KCNG1: variants seen among roughly 807,000 people sequenced by gnomAD.
KCNG1 encodes potassium voltage-gated channel modifier subfamily G member 1, also known as voltage-gated potassium channel regulatory subunit KCNG1.
In KCNG1, 17 loss-of-function variants were observed where a neutral mutation model predicts 32.4. The ratio of observed to expected loss-of-function variants is 0.52; its 90% CI spans 0.36 to 0.79. The LOEUF (loss-of-function observed/expected upper bound fraction) is 0.79, where lower values mean the gene tolerates loss of function less well. Among genes scored for constraint, KCNG1 ranks in the 30% least tolerant of loss-of-function variants. The pLI is 0.00. For synonymous variants in KCNG1, 358 were observed against 339.9 expected (o/e 1.05, Z -0.59); for missense variants, 441 against 735.2 (o/e 0.60, Z 4.63).
At position 51,003,851 on chromosome 20, in the gene KCNG1, G is replaced by A; in HGVS notation, c.*188C>T. ...TCACGGCTGCAGGCGGAGGGGCAGG[G>A]CCCCTCTGCTGATGTTCTAGTGTTC... On this transcript the variant is annotated 3_prime_UTR_variant, in exon 3 of 3. Transcript: ENST00000371571. 1 of 628,238 alleles carries A rather than the reference G, an allele frequency of 1.6e-6. No individual in the cohort carries two copies. The highest frequency in any genetic ancestry group is 2.7e-6 in the Non-Finnish European group (1 of 370,884). The allele number at this position is 628,238 out of a possible 1,614,324, so 38.9% of individuals were successfully genotyped here.
rs1312684241 is a variant in KCNG1 at position 51,015,865 on chromosome 20, G to A, written c.-26-5501C>T. Reference sequence around the variant, plus strand: ...GGAAAAAGAAAGCAGGAGATGGAGCGGCAGAGGGCTGCGGCATGAGAATGA... The same window carrying A: ...GGAAAAAGAAAGCAGGAGATGGAGCAGCAGAGGGCTGCGGCATGAGAATGA... On this transcript the variant is annotated intron_variant, in intron 1 of 2. Coordinates refer to ENST00000371571, the MANE Select transcript of KCNG1 (RefSeq NM_002237.4). The surrounding 1 kb of genome is among the most constrained non-coding windows in gnomAD (Gnocchi z 4.4). 4.6e-5 allele frequency among the ~76,000 whole-genome samples: 7 copies of A among 152,140 alleles called. No homozygotes were observed. Among genetic ancestry groups the A allele is most frequent in the African/African-American group, 1.4e-4 (6 of 41,422 alleles).
In KCNG1 at chr20:51,010,381, G is replaced by C. The variant is rs1230132985; in HGVS notation, c.-26-17C>G. The C allele has an allele frequency of 2.0e-6, 3 of 1,478,430 alleles. No individual in the cohort carries two copies. The highest frequency in any genetic ancestry group is 1.4e-5 in the African/African-American group (1 of 71,150). 91.6% of individuals were successfully genotyped at this position (1,478,430 alleles called of 1,614,324 possible). On this transcript the variant is annotated splice_polypyrimidine_tract_variant and intron_variant, in intron 1 of 2. Transcript: ENST00000371571. ...CTCTCGGGCCTGTGGGGAGAAGGGA[G>C]GGAAGACCCTCAGTGACCACCCCTA...
Position 51,010,194 on chromosome 20 carries a change from G to T in KCNG1, c.145C>A (p.Gln49Lys). The change falls in exon 2 of 3, where the codon CAG (glutamine) becomes AAG (lysine). Residue 49 changes from glutamine (Q) to lysine (K), a missense_variant. By Grantham distance (53) the Gln-to-Lys change is moderately conservative (BLOSUM62 1). Transcript: ENST00000371571. ...FYRRAQRLRP[Q>K]DEPRQGCQPE... ...TGACAGCCCTGGCGGGGCTCATCCTGCGGCCGCAGCCGCTGCGCCCGGCGG... is the reference window on the plus strand; with the variant it reads ...TGACAGCCCTGGCGGGGCTCATCCTTCGGCCGCAGCCGCTGCGCCCGGCGG... 1.3e-6 allele frequency: 2 copies of T among 1,596,012 alleles called. No individual in the cohort carries two copies. Among genetic ancestry groups the T allele is most frequent in the Non-Finnish European group, 1.7e-6 (2 of 1,171,868 alleles).
intron 1 of KCNG1, among the ~76,000 whole-genome samples, chr20:51,019,844 T>G (rs374345048): frequency 6.6e-6 from 1 of 152,128 alleles, no homozygotes; most frequent in Admixed American, 6.5e-5. Context: ...TCAGGCTGCA[T>G]TAATCCCCAA....
intron 1 of KCNG1, among the ~76,000 whole-genome samples, chr20:51,020,075 C>T (rs542242507): frequency 4.3e-4 from 65 of 152,314 alleles, no homozygotes; most frequent in South Asian, 2.9e-3. Flanking sequence ...GCTCTTCCCT[C>T]CATCCCTCCC....
In KCNG1 at chr20:51,004,372, G is replaced by A. The variant is rs150548464; in HGVS notation, c.1209C>T (p.Ala403=). The change falls in exon 3 of 3, where the codon GCC becomes GCT. Residue 403 remains alanine (A), a synonymous_variant. Coordinates refer to ENST00000371571, the MANE Select transcript of KCNG1 (RefSeq NM_002237.4). This position sits in a 1 kb window ranked among gnomAD's most constrained non-coding sequence, Gnocchi z 4.3. ...PLLYVIENEM[A]DSPEFTSIPA... The stretch of plus-strand genomic sequence containing the variant: ...GGATGCTGGTGAACTCGGGGCTGTC[G>A]GCCATCTCGTTCTCGATGACGTAGA... The A allele has an allele frequency of 6.2e-7, 1 of 1,613,794 alleles. No individual in the cohort carries two copies. Among genetic ancestry groups the A allele is most frequent in the South Asian group, 1.1e-5 (1 of 91,076 alleles).
rs1348828034 is a variant in KCNG1 at position 51,015,481 on chromosome 20, T to A, written c.-26-5117A>T. Among the ~76,000 whole-genome samples the A allele has an allele frequency of 6.6e-6, 1 of 151,996 alleles. No homozygotes were observed. Among genetic ancestry groups the A allele is most frequent in the Non-Finnish European group, 1.5e-5 (1 of 67,974 alleles). ...TGTGTGTTTGCGGGGGGTGAGGGTG[T>A]CACCTGGCAGCTTTGACCTGGCTAG... On this transcript the variant is annotated intron_variant, in intron 1 of 2. Coordinates refer to ENST00000371571, the MANE Select transcript of KCNG1 (RefSeq NM_002237.4). The surrounding 1 kb of genome is among the most constrained non-coding windows in gnomAD (Gnocchi z 4.4).
chr20:51,017,794 C>T (rs1261777180), intron 1 of KCNG1, among the ~76,000 whole-genome samples: 2 of 152,034 alleles, frequency 1.3e-5, no homozygotes, highest in African/African-American at 2.4e-5. Context: ...TGGGCTTTCA[C>T]CTGGACTCCC....
intron 1 of KCNG1, among the ~76,000 whole-genome samples, chr20:51,016,279 A>G (rs1483252750): frequency 1.3e-5 from 2 of 152,082 alleles, no homozygotes; most frequent in East Asian, 3.9e-4. Flanking sequence ...TCTACTAAAA[A>G]TACAAAATTA....
chr20:51,006,056 G>C (rs1245157753), intron 2 of KCNG1: 1 of 150,858 alleles, frequency 6.6e-6, no homozygotes, highest in Non-Finnish European at 1.5e-5. Context: ...TGCTTATGGT[G>C]ATGGGGGGGG....
intron 1 of KCNG1, among the ~76,000 whole-genome samples, chr20:51,020,502 A>C (rs1259881251): frequency 6.6e-6 from 1 of 152,196 alleles, no homozygotes; most frequent in Non-Finnish European, 1.5e-5. Context: ...CGTTAATCAA[A>C]TACAGTCTGC....
At position 51,004,393 on chromosome 20, in the gene KCNG1, G is replaced by A. The variant is rs772122221; in HGVS notation, c.1188C>T (p.Tyr396=). The change falls in exon 3 of 3, where the codon TAC becomes TAT. Residue 396 remains tyrosine (Y), a synonymous_variant. Transcript: ENST00000371571. This position sits in a 1 kb window ranked among gnomAD's most constrained non-coding sequence, Gnocchi z 4.3. ...TGTCGGCCATCTCGTTCTCGATGAC[G>A]TAGAGCAGGGGCGCGAAGAGGGCGA... ...VAIALFAPLL[Y]VIENEMADSP... 1 of 1,613,578 alleles carries A rather than the reference G, an allele frequency of 6.2e-7. No homozygotes were observed. Among genetic ancestry groups the A allele is most frequent in the Admixed American group, 1.7e-5 (1 of 60,022 alleles).
chr20:51,007,765 CT>C (rs1192941476), intron 2 of KCNG1, among the ~76,000 whole-genome samples: 2 of 152,050 alleles, frequency 1.3e-5, no homozygotes, highest in African/African-American at 4.8e-5. Flanking sequence ...AATCTTAGCA[CT>C]TTGGGAGGCA....
chr20:51,010,012 G>A lies in KCNG1; in HGVS notation c.327C>T (p.Asp109=), dbSNP rs879020973. ...DDILNVCDDY[D]VTCNEFFFDR... ...CGAAGAAGAACTCGTTGCAGGTGAC[G>A]TCGTAGTCATCGCACACGTTGAGGA... The change falls in exon 2 of 3, where the codon GAC becomes GAT. Residue 109 remains aspartate, a synonymous_variant. Transcript: ENST00000371571. 3.7e-6 allele frequency: 6 copies of A among 1,614,110 alleles called. 1 individual carries two copies. The South Asian group carries it at 6.6e-5, about 18-fold the overall frequency.
Position 51,010,326 on chromosome 20 carries a change from G to T in KCNG1, c.13C>A (p.Pro5Thr). The T allele has an allele frequency of 6.6e-7, 1 of 1,504,034 alleles. No homozygotes were observed. Among genetic ancestry groups the T allele is most frequent in the Non-Finnish European group, 8.8e-7 (1 of 1,135,554 alleles). The allele number at this position is 1,504,034 out of a possible 1,614,324, so 93.2% of individuals were successfully genotyped here. The change falls in exon 2 of 3, where the codon CCG (proline) becomes ACG (threonine). Residue 5 changes from proline to threonine, a missense_variant. This residue lies in a region of KCNG1 where 85 missense variants were observed against 98.2 expected (regional missense o/e 0.87). Coordinates refer to ENST00000371571, the MANE Select transcript of KCNG1 (RefSeq NM_002237.4). MTLL[P>T]GDNSDYDYSA... ...TAGTCGTAGTCAGAATTGTCTCCCG[G>T]TAAGAGGGTCATTTTGGGCCTTCAC...
intron 2 of KCNG1, among the ~76,000 whole-genome samples, chr20:51,008,208 G>A (rs909798000): frequency 2.6e-5 from 4 of 152,190 alleles, no homozygotes; most frequent in Admixed American, 2.6e-4. Flanking sequence ...TCATACACAA[G>A]GAGACTGAAC....
At position 51,023,093 on chromosome 20, in the gene KCNG1, C is replaced by G. The variant is rs1037712304; in HGVS notation, c.-250G>C. On this transcript the variant is annotated 5_prime_UTR_variant, in exon 1 of 3. Transcript: ENST00000371571. ...CCCCGTCTCTGCCTCCCGGTCCCCG[C>G]CGGGCTCCGAGTGCGCCGGGAGCGC... The G allele has an allele frequency of 2.6e-5, 4 of 152,200 alleles. No individual in the cohort carries two copies. The highest frequency in any genetic ancestry group is 1.3e-4 in the Admixed American group (2 of 15,284). 9.4% of individuals were successfully genotyped at this position (152,200 alleles called of 1,614,324 possible).
At chr20:51,008,461 C>T (rs537494851) in intron 2 of KCNG1, among the ~76,000 whole-genome samples, 586 of 152,178 alleles carry the variant, frequency 3.9e-3, no homozygotes, top group Non-Finnish European at 6.6e-3. Context: ...TCCCAAGTAG[C>T]TAGGACTACA....
rs545683548 is a variant in KCNG1, at chr20:51,015,568, A to T, written c.-26-5204T>A. Among the ~76,000 whole-genome samples, 1 of 152,168 alleles carries T rather than the reference A, an allele frequency of 6.6e-6. No individual in the cohort carries two copies. Among genetic ancestry groups the T allele is most frequent in the African/African-American group, 2.4e-5 (1 of 41,484 alleles). ...TGGTGAAGTCAGAGGTGGGGGCCTC[A>T]CCTGTGCCCTGTGCCCGGTAGCCAC... On this transcript the variant is annotated intron_variant, in intron 1 of 2. Transcript: ENST00000371571. This position sits in a 1 kb window ranked among gnomAD's most constrained non-coding sequence, Gnocchi z 4.4.
Sources: allele counts gnomAD v4.1 joint callset (sites outside exome capture counted in the v4.1 genomes callset), GRCh38; gene constraint gnomAD v4.1.1; regional missense constraint gnomAD v4.1.1; non-coding constraint Gnocchi (gnomAD v3.1); transcripts MANE v1.5; gene names NCBI Gene and HGNC (gene_info 2026-07-23, HGNC 2026-07-21).